Variants in KLC3 observed in about 807,000 individuals in gnomAD.
KLC3 encodes kinesin light chain 2.
KLC3 carries 72 observed loss-of-function variants against 62.9 expected under a neutral mutation model. The observed-to-expected ratio is 1.15, with a 90% CI of 0.95 to 1.39. KLC3 has a LOEUF of 1.39. KLC3 is among the 40% of genes most tolerant of loss of function. KLC3 has a pLI of 0.00. For synonymous variants in KLC3, 377 were observed against 300.5 expected (o/e 1.25, Z -2.63); for missense variants, 848 against 691.6 (o/e 1.23, Z -2.54).
intron 3 of KLC3, 79 bp downstream of exon 3, chr19:45,346,853 C>T: frequency 7.6e-7 from 1 of 1,314,666 alleles, no homozygotes; most frequent in East Asian, 2.5e-5. Flanking sequence ...CTTAGAATCC[C>T]ACAGTCCCCA....
In KLC3 at chr19:45,350,421, CGCCCCTCTCGGTGAGCCCCTA is replaced by C; in HGVS notation, c.1231_1234+17del. On this transcript the variant is annotated splice_donor_variant and splice_donor_5th_base_variant and coding_sequence_variant and intron_variant, in exon 9 of 13. Coordinates refer to ENST00000391946, the MANE Select transcript of KLC3 (RefSeq NM_177417.3). LOFTEE classifies it high-confidence loss of function. ...AAATCCTCCACAAGGAGGACCTACC[CGCCCCTCTCGGTGAGCCCCTA>C]GCCCCTGTCTGTCTTCCCTCCTGGT... 3 of 1,613,874 alleles carry C rather than the reference CGCCCCTCTCGGTGAGCCCCTA, an allele frequency of 1.9e-6. No homozygotes were observed. In the South Asian group the frequency reaches 3.3e-5, roughly 18 times the overall value.
At chr19:45,347,350 AAAAAAAC>A in intron 3 of KLC3, 90 bp from the exon 4 acceptor site, 7 of 905,728 alleles carry the variant, frequency 7.7e-6, no homozygotes, top group East Asian at 5.2e-5. Flanking sequence ...CAAAAAAAAA[AAAAAAAC>A]AAAAAAACAA....
chr19:45,350,802 A>ACC (rs1340007584), intron 11 of KLC3, 55 bp downstream of exon 11: 17 of 823,712 alleles, frequency 2.1e-5, no homozygotes, highest in African/African-American at 1.2e-4. Flanking sequence ...TCCACAGCCC[A>ACC]CCCCACCCCC....
intron 8 of KLC3, 198 bp from the exon 9 acceptor site, chr19:45,350,143 C>T: frequency 1.7e-6 from 1 of 587,828 alleles, no homozygotes; most frequent in African/African-American, 1.9e-5. Flanking sequence ...AAAGTGGGGC[C>T]AGACGTGGTG....
intron 2 of KLC3, 30 bp downstream of exon 2, chr19:45,345,829 G>T: frequency 6.5e-7 from 1 of 1,531,694 alleles, no homozygotes; most frequent in South Asian, 1.2e-5. Flanking sequence ...GGAGCTGGGG[G>T]AAGGTCAGCT....
At chr19:45,349,019 C>A in intron 7 of KLC3, 98 bp downstream of exon 7, 1 of 1,111,598 alleles carries the variant, frequency 9.0e-7, no homozygotes, top group East Asian at 2.6e-5. Flanking sequence ...CCCTCGGGCC[C>A]CTTGCGTTTG....
In KLC3 at chr19:45,350,661, A is replaced by C. The variant is rs748545288; in HGVS notation, c.1293A>C (p.Ser431=). ...CCCAGGCCCTTCGCCGCAGCAGCTCACTCTCCAAGATCCGTGAGTCTATCA... is the reference window on the plus strand; with the variant it reads ...CCCAGGCCCTTCGCCGCAGCAGCTCCCTCTCCAAGATCCGTGAGTCTATCA... ...DAEQALRRSS[S]LSKIRESIRR... Residue 431 remains serine (S), a synonymous_variant, in exon 11 of 13, where the codon TCA becomes TCC. Coordinates refer to ENST00000391946, the MANE Select transcript of KLC3 (RefSeq NM_177417.3). 1 of 1,612,472 alleles carries C rather than the reference A, an allele frequency of 6.2e-7. No homozygotes were observed. Among genetic ancestry groups the C allele is most frequent in the South Asian group, 1.1e-5 (1 of 90,996 alleles).
intron 1 of KLC3, among the ~76,000 whole-genome samples, chr19:45,343,286 A>G (rs1192057308): frequency 2.0e-5 from 3 of 151,916 alleles, no homozygotes; most frequent in Non-Finnish European, 2.9e-5. Flanking sequence ...GGAGTGGGAG[A>G]GACAGAGTTA....
At chr19:45,349,060 C>T in intron 7 of KLC3, 139 bp downstream of exon 7, 1 of 739,856 alleles carries the variant, frequency 1.4e-6, no homozygotes, top group Non-Finnish European at 2.2e-6. Flanking sequence ...GAGCCTAGAT[C>T]ACCCAACCCA....
intron 11 of KLC3, 76 bp downstream of exon 11, chr19:45,350,823 T>C: frequency 1.1e-6 from 1 of 882,980 alleles, no homozygotes; most frequent in Non-Finnish European, 1.7e-6. Flanking sequence ...ACCCCCATCT[T>C]GCTCAAGAAC....
chr19:45,350,721 A>G lies in KLC3; in HGVS notation c.1353A>G (p.Arg451=). The G allele has an allele frequency of 6.2e-7, 1 of 1,613,188 alleles. No homozygotes were observed. The highest frequency in any genetic ancestry group is 8.5e-7 in the Non-Finnish European group (1 of 1,179,774). The change falls in exon 11 of 13, where the codon CGA becomes CGG. Residue 451 remains arginine (R), a synonymous_variant. Transcript: ENST00000391946. ...GTGAGAAGCTGGTCTCCCGGCTCCG[A>G]GGCGAGGCGGCGGCAGGAGCAGCCG... ...RGSEKLVSRL[R]GEAAAGAAGM... is the part of the protein sequence containing the mutation.
chr19:45,349,912 A>T, intron 8 of KLC3: 1 of 443,398 alleles, frequency 2.3e-6, no homozygotes, highest in Non-Finnish European at 4.0e-6. Context: ...GCTAGTTCTT[A>T]TAGCGTCCCT....
chr19:45,351,343 C>G lies in KLC3; in HGVS notation c.1501C>G (p.Leu501Val). Reference protein sequence around the residue: ...PRTLSASTQDLSPH With the variant: ...PRTLSASTQDVSPH ...GACCCTCAGCGCCAGCACCCAGGACCTGAGCCCCCACTAACGTCCAGTGAA... is the reference window on the plus strand; with the variant it reads ...GACCCTCAGCGCCAGCACCCAGGACGTGAGCCCCCACTAACGTCCAGTGAA... The change falls in exon 13 of 13, where the codon CTG (leucine) becomes GTG (valine). Residue 501 changes from leucine (L) to valine (V), a missense_variant. Coordinates refer to ENST00000391946, the MANE Select transcript of KLC3 (RefSeq NM_177417.3). The G allele has an allele frequency of 6.2e-7, 1 of 1,611,686 alleles. No homozygotes were observed. The highest frequency in any genetic ancestry group is 8.5e-7 in the Non-Finnish European group (1 of 1,180,000).
In KLC3 at chr19:45,348,899, G is replaced by A. The variant is rs190310418; in HGVS notation, c.947G>A (p.Arg316His). 44 of 1,583,864 alleles carry A rather than the reference G, an allele frequency of 2.8e-5. No individual in the cohort carries two copies. Among genetic ancestry groups the A allele is most frequent in the Admixed American group, 7.3e-5 (4 of 54,848 alleles). The change falls in exon 7 of 13, where the codon CGC (arginine) becomes CAC (histidine). Residue 316 changes from arginine to histidine, a missense_variant. Transcript: ENST00000391946. ...CGGGAGGCAGAGCCCCTGTGCCAGC[G>A]CGCTTTGGAGATCCGAGAGAAGGTC... is the stretch of plus-strand genomic sequence containing the variant. ...RYREAEPLCQ[R>H]ALEIREKVLG...
At chr19:45,343,807 C>T (rs761795186) in intron 1 of KLC3, among the ~76,000 whole-genome samples, 48 of 151,846 alleles carry the variant, frequency 3.2e-4, no homozygotes, top group Non-Finnish European at 1.9e-4. Context: ...AAAGTGAGTG[C>T]GTGTTCTAAG....
At chr19:45,349,922 T>C (rs1971636034) in intron 8 of KLC3, 8 of 428,864 alleles carry the variant, frequency 1.9e-5, no homozygotes, top group Non-Finnish European at 3.3e-5. Context: ...ATAGCGTCCC[T>C]ATGAGGTGGG....
At chr19:45,342,998 C>T (rs566699819) in intron 1 of KLC3, among the ~76,000 whole-genome samples, 8 of 152,254 alleles carry the variant, frequency 5.3e-5, no homozygotes, top group Non-Finnish European at 1.0e-4. Flanking sequence ...TCCCTCCACG[C>T]GTATTCACAG....
chr19:45,347,848 G>A (rs749925602), intron 4 of KLC3, 93 bp from the exon 5 acceptor site: 5 of 1,056,954 alleles, frequency 4.7e-6, no homozygotes, highest in Non-Finnish European at 7.0e-6. Context: ...GGCCAGTTAG[G>A]CAGTCCGGCA....
In KLC3 at chr19:45,348,920, A is replaced by T; in HGVS notation, c.968A>T (p.Lys323Met). 1 of 1,575,380 alleles carries T rather than the reference A, an allele frequency of 6.3e-7. No homozygotes were observed. The highest frequency in any genetic ancestry group is 1.2e-5 in the South Asian group (1 of 85,762). Residue 323 changes from lysine to methionine, a missense_variant and splice_region_variant, in exon 7 of 13, where the codon AAG (lysine) becomes ATG (methionine). By Grantham distance (95) the Lys-to-Met change is moderately conservative. Transcript: ENST00000391946. Reference protein sequence around the residue: ...LCQRALEIREKVLGADHPDVA... With the variant: ...LCQRALEIREMVLGADHPDVA... Reference sequence around the variant, plus strand: ...CAGCGCGCTTTGGAGATCCGAGAGAAGGTCCCATCCCCCTCACCCCACCCC... The same window carrying T: ...CAGCGCGCTTTGGAGATCCGAGAGATGGTCCCATCCCCCTCACCCCACCCC...
Sources: gnomAD v4.1 joint callset for allele counts (sites outside exome capture counted in the v4.1 genomes callset) on GRCh38, gnomAD v4.1.1 for gene constraint, MANE v1.5 for transcripts, NCBI Gene and HGNC (gene_info 2026-07-23, HGNC 2026-07-21) for gene names.